Variants in UGT1A9 observed in about 807,000 individuals in gnomAD.
UGT1A9 encodes UDP-glucuronosyltransferase 1A9.
In UGT1A9, 35 loss-of-function variants were observed where a neutral mutation model predicts 45.0. The observed-to-expected ratio is 0.78, with a 90% CI of 0.59 to 1.03. The LOEUF is 1.03. Among genes scored for constraint, UGT1A9 ranks in the 50% least tolerant of loss-of-function variants. The pLI is 0.00. For missense variants in UGT1A9, 687 were observed against 666.6 expected (o/e 1.03, Z -0.34); for synonymous variants, 278 against 250.6 (o/e 1.11, Z -1.03).
chr2:233,763,101 G>A (rs911643886), intron 1 of UGT1A9, among the ~76,000 whole-genome samples: 8 of 152,178 alleles, frequency 5.3e-5, no homozygotes, highest in African/African-American at 1.7e-4. Context: ...GAGAGGCACC[G>A]AACTTTATCA....
intron 1 of UGT1A9, among the ~76,000 whole-genome samples, chr2:233,720,799 G>A (rs796093691): frequency 6.1e-4 from 92 of 151,266 alleles, no homozygotes; most frequent in African/African-American, 2.0e-3. Flanking sequence ...TTCACCTCCC[G>A]GGTTTAAGAA....
chr2:233,712,450 C>T (rs1338791134), intron 1 of UGT1A9, among the ~76,000 whole-genome samples: 1 of 152,288 alleles, frequency 6.6e-6, no homozygotes, highest in East Asian at 1.9e-4. Context: ...CGACCAAAAC[C>T]AGATAGCCAG....
At chr2:233,746,830 T>C (rs2125880707) in intron 1 of UGT1A9, among the ~76,000 whole-genome samples, 1 of 151,918 alleles carries the variant, frequency 6.6e-6, no homozygotes, top group South Asian at 2.1e-4. Context: ...TGCCTACCAC[T>C]GTTGGGGACC....
intron 1 of UGT1A9, among the ~76,000 whole-genome samples, chr2:233,737,675 A>G (rs527390262): frequency 2.6e-4 from 40 of 152,110 alleles, no homozygotes; most frequent in Middle Eastern, 6.8e-3. Flanking sequence ...AGCTGTTCCT[A>G]TTTGGCCATT....
intron 1 of UGT1A9, among the ~76,000 whole-genome samples, chr2:233,695,754 A>G (rs942245272): frequency 6.6e-6 from 1 of 152,170 alleles, no homozygotes; most frequent in African/African-American, 2.4e-5. Context: ...ACAGGTCTTC[A>G]TCCTTTTTTA....
At chr2:233,771,789 T>TCCCA (rs1282834982) in intron 4 of UGT1A9, among the ~76,000 whole-genome samples, 7 of 144,234 alleles carry the variant, frequency 4.9e-5, no homozygotes, top group East Asian at 4.5e-4. Flanking sequence ...CCTCTCTCCC[T>TCCCA]CCCTCCCTCC....
intron 1 of UGT1A9, among the ~76,000 whole-genome samples, chr2:233,716,096 A>G (rs1349489999): frequency 6.6e-6 from 1 of 152,160 alleles, no homozygotes; most frequent in African/African-American, 2.4e-5. Context: ...CATTCCTTTA[A>G]CAGAAATTTA....
chr2:233,719,720 C>T (rs2076799652), intron 1 of UGT1A9: 1 of 1,613,702 alleles, frequency 6.2e-7, no homozygotes, highest in African/African-American at 1.3e-5. Context: ...AATCAATGTT[C>T]CAGGCAAAAC....
At chr2:233,673,058 C>T (rs555735787) in intron 1 of UGT1A9, among the ~76,000 whole-genome samples, 96 of 152,270 alleles carry the variant, frequency 6.3e-4, no homozygotes, top group African/African-American at 2.2e-3. Flanking sequence ...GTACCAAAAA[C>T]CACAGTAAGA....
intron 4 of UGT1A9, among the ~76,000 whole-genome samples, chr2:233,771,794 C>G (rs913626995): frequency 6.8e-6 from 1 of 146,546 alleles, no homozygotes; most frequent in Non-Finnish European, 1.5e-5. Flanking sequence ...CTCCCTCCCT[C>G]CCTCCCTCCC....
intron 1 of UGT1A9, among the ~76,000 whole-genome samples, chr2:233,703,596 T>C (rs2075744943): frequency 6.6e-6 from 1 of 152,180 alleles, no homozygotes. Flanking sequence ...TGCTTCATGA[T>C]ACTGTGTCAT....
chr2:233,763,185 T>A (rs137981544), intron 1 of UGT1A9, among the ~76,000 whole-genome samples: 97 of 152,380 alleles, frequency 6.4e-4, no homozygotes, highest in African/African-American at 2.1e-3. Flanking sequence ...ATATTTGTTG[T>A]TGCCTTGTTT....
rs1700557199 is a variant in UGT1A9 at position 233,772,921 on chromosome 2, GT to G, written c.*366del. ...ACGGCTGCCCCTACTGCAAATGGCA[GT>G]TTTAATCTTATCTTTTGGCTTCTGC... On this transcript the variant is annotated 3_prime_UTR_variant, in exon 5 of 5. Coordinates refer to ENST00000354728, the MANE Select transcript of UGT1A9 (RefSeq NM_021027.3). 2.7e-6 allele frequency: 1 copy of G among 366,684 alleles called. No individual in the cohort carries two copies. The highest frequency in any genetic ancestry group is 2.1e-5 in the African/African-American group (1 of 47,608). 22.7% of individuals were successfully genotyped at this position (366,684 alleles called of 1,614,324 possible). A position where few individuals can be genotyped will look rare whatever the true frequency, so the allele number is the denominator to read the frequency against.
intron 1 of UGT1A9, among the ~76,000 whole-genome samples, chr2:233,766,011 CCTT>C (rs1699028411): frequency 6.6e-6 from 1 of 152,070 alleles, no homozygotes; most frequent in Non-Finnish European, 1.5e-5. Flanking sequence ...TGGGTTATGG[CCTT>C]CTTTTAGTTT....
intron 1 of UGT1A9, chr2:233,729,534 C>T (rs1281653425): frequency 6.2e-7 from 1 of 1,614,090 alleles, no homozygotes; most frequent in Non-Finnish European, 8.5e-7. Context: ...ATAATGAGGC[C>T]CTGATCAGGC....
chr2:233,743,706 C>T (rs776716166), intron 1 of UGT1A9: 66 of 1,367,252 alleles, frequency 4.8e-5, no homozygotes, highest in Non-Finnish European at 6.3e-5. Context: ...TCCGCCCCCG[C>T]CTCGCCATAG....
chr2:233,674,000 G>C (rs2074269911), intron 1 of UGT1A9, among the ~76,000 whole-genome samples: 1 of 152,176 alleles, frequency 6.6e-6, no homozygotes, highest in East Asian at 1.9e-4. Flanking sequence ...TGATTGAAAA[G>C]TCCATGACAA....
intron 1 of UGT1A9, among the ~76,000 whole-genome samples, chr2:233,716,383 A>G (rs2076502558): frequency 6.6e-6 from 1 of 152,184 alleles, no homozygotes; most frequent in African/African-American, 2.4e-5. Flanking sequence ...TCTGCCTACC[A>G]CAGACACTAA....
At chr2:233,716,018 G>C (rs2076483229) in intron 1 of UGT1A9, among the ~76,000 whole-genome samples, 1 of 152,128 alleles carries the variant, frequency 6.6e-6, no homozygotes, top group Non-Finnish European at 1.5e-5. Flanking sequence ...TAATCTGATA[G>C]TTTCTTTTGA....
Sources: gnomAD v4.1 joint callset for allele counts (sites outside exome capture counted in the v4.1 genomes callset) on GRCh38, gnomAD v4.1.1 for gene constraint, MANE v1.5 for transcripts, NCBI Gene and HGNC (gene_info 2026-07-23, HGNC 2026-07-21) for gene names.